Variants in KAT14 observed in about 807,000 individuals in gnomAD.
KAT14 encodes lysine acetyltransferase 14.
Under a neutral mutation model 78.4 loss-of-function variants are expected in KAT14, and 66 were observed. The observed-to-expected ratio is 0.84, with a 90% CI of 0.69 to 1.03. The LOEUF (loss-of-function observed/expected upper bound fraction) is 1.03, where lower values mean the gene tolerates loss of function less well. KAT14 is among the 50% of genes least tolerant of loss of function. The probability of loss-of-function intolerance (pLI) is 0.00; values close to 1 mark genes in which losing one functional copy is unlikely to be tolerated. For missense variants in KAT14, 870 were observed against 972.5 expected (o/e 0.89, Z 1.40); for synonymous variants, 344 against 359.4 (o/e 0.96, Z 0.48).
intron 1 of KAT14, among the ~76,000 whole-genome samples, chr20:18,139,281 T>TA (rs1203668890): frequency 6.6e-6 from 1 of 152,196 alleles, no homozygotes; most frequent in Non-Finnish European, 1.5e-5. Context: ...TTCCGCCTCT[T>TA]ACAAGGAAAA....
At chr20:18,182,213 C>G (rs1048168671) in intron 8 of KAT14, among the ~76,000 whole-genome samples, 1 of 151,920 alleles carries the variant, frequency 6.6e-6, no homozygotes, top group Admixed American at 6.6e-5. Context: ...CCTCTGCCTC[C>G]GGGGTTCAGG....
At chr20:18,155,864 A>G (rs1363134783) in intron 4 of KAT14, among the ~76,000 whole-genome samples, 1 of 152,168 alleles carries the variant, frequency 6.6e-6, no homozygotes, top group Non-Finnish European at 1.5e-5. Flanking sequence ...TAATGATCAT[A>G]TGATCTGGCA....
chr20:18,142,856 G>C lies in KAT14; in HGVS notation c.196G>C (p.Val66Leu), dbSNP rs200687917. ...GDSLNSDEGD[V>L]SWMEEQLSYF... is the part of the protein sequence containing the mutation. Reference sequence around the variant, plus strand: ...TTCCCTCAACAGTGATGAAGGAGACGTGTCTTGGATGGAGGAGCAGCTGTC... The same window carrying C: ...TTCCCTCAACAGTGATGAAGGAGACCTGTCTTGGATGGAGGAGCAGCTGTC... The change falls in exon 2 of 11, where the codon GTG (valine) becomes CTG (leucine). Residue 66 changes from valine (V) to leucine (L), a missense_variant. Val to Leu is a conservative substitution (Grantham distance 32). Coordinates refer to ENST00000688188, the MANE Select transcript of KAT14 (RefSeq NM_001392073.1). The C allele has an allele frequency of 1.2e-6, 2 of 1,614,144 alleles. No homozygotes were observed. The highest frequency in any genetic ancestry group is 4.5e-5 in the East Asian group (2 of 44,882).
At chr20:18,165,897 CT>C (rs1372636129) in intron 7 of KAT14, among the ~76,000 whole-genome samples, 1 of 152,028 alleles carries the variant, frequency 6.6e-6, no homozygotes, top group Non-Finnish European at 1.5e-5. Context: ...ATCAGCTGGT[CT>C]TTGGGGTGGG....
Position 18,181,715 on chromosome 20 carries a change from C to T in KAT14, c.1674C>T (p.Ser558=), listed in dbSNP as rs2146529218. Residue 558 remains serine (S), a synonymous_variant, in exon 8 of 11, where the codon TCC becomes TCT. Transcript: ENST00000688188. ...DFRILDRYQT[S]LPSRKGFRHQ... is the part of the protein sequence containing the mutation. ...CCAGTGTTTCTTTCTCATAGACTTCCTTGCCGTCCAGGAAGGGATTTCGAC... is the reference window on the plus strand; with the variant it reads ...CCAGTGTTTCTTTCTCATAGACTTCTTTGCCGTCCAGGAAGGGATTTCGAC... 1 of 1,614,094 alleles carries T rather than the reference C, an allele frequency of 6.2e-7. No homozygotes were observed. Among genetic ancestry groups the T allele is most frequent in the Non-Finnish European group, 8.5e-7 (1 of 1,179,996 alleles).
In KAT14 at chr20:18,155,579, A is replaced by G. The variant is rs139010046; in HGVS notation, c.501-3505A>G. ...AGCTCCCCTCATTGCAAAAATGGGT[A>G]AAGGCATTTAATAGACACTTCTTCA... On this transcript the variant is annotated intron_variant, in intron 4 of 10. Transcript: ENST00000688188. Among the ~76,000 whole-genome samples, 496 of 152,356 alleles carry G rather than the reference A, an allele frequency of 3.3e-3. 3 individuals are homozygous for G. The highest frequency in any genetic ancestry group is 0.014 in the Middle Eastern group (4 of 294).
intron 3 of KAT14, among the ~76,000 whole-genome samples, chr20:18,146,229 T>C (rs2037820405): frequency 6.6e-6 from 1 of 152,228 alleles, no homozygotes; most frequent in African/African-American, 2.4e-5. Context: ...GGCATCAGTG[T>C]ATACTTTTTA....
chr20:18,163,519 C>T (rs2038523311), intron 7 of KAT14, among the ~76,000 whole-genome samples: 2 of 152,224 alleles, frequency 1.3e-5, no homozygotes, highest in Admixed American at 6.5e-5. Context: ...TCTTTGCTAG[C>T]ACTTGACACT....
At chr20:18,165,047 T>C (rs1452564315) in intron 7 of KAT14, among the ~76,000 whole-genome samples, 1 of 152,180 alleles carries the variant, frequency 6.6e-6, no homozygotes, top group Non-Finnish European at 1.5e-5. Flanking sequence ...ATAATTTAGA[T>C]ATTAGTAAAA....
At position 18,184,106 on chromosome 20, in the gene KAT14, CA is replaced by C. The variant is rs1035207164; in HGVS notation, c.1982-495del. Among the ~76,000 whole-genome samples, 49 of 152,294 alleles carry C rather than the reference CA, an allele frequency of 3.2e-4. 1 individual carries two copies. The highest frequency in any genetic ancestry group is 1.1e-3 in the African/African-American group (47 of 41,546). ...TTAGGTGCCTTCCATACATTATGCACAGAAGCATATTTTACTTATTTATTGT... is the reference window on the plus strand; with the variant it reads ...TTAGGTGCCTTCCATACATTATGCACGAAGCATATTTTACTTATTTATTGT... On this transcript the variant is annotated intron_variant, in intron 9 of 10. Transcript: ENST00000688188.
intron 7 of KAT14, among the ~76,000 whole-genome samples, chr20:18,174,069 TATA>T (rs1310049656): frequency 6.6e-6 from 1 of 152,240 alleles, no homozygotes; most frequent in Non-Finnish European, 1.5e-5. Flanking sequence ...AATGGAGTCA[TATA>T]ATATGTGGCC....
chr20:18,181,939 G>A (rs1007132707), intron 8 of KAT14, 93 bp downstream of exon 8: 27 of 1,531,640 alleles, frequency 1.8e-5, no homozygotes, highest in Non-Finnish European at 2.2e-5. Flanking sequence ...AGAGAATAAA[G>A]ATCACAAACT....
At chr20:18,139,154 C>T (rs1308618972) in intron 1 of KAT14, among the ~76,000 whole-genome samples, 3 of 152,082 alleles carry the variant, frequency 2.0e-5, no homozygotes, top group Non-Finnish European at 4.4e-5. Flanking sequence ...TGTGATGGTA[C>T]AAGAATTTTG....
intron 7 of KAT14, among the ~76,000 whole-genome samples, chr20:18,166,678 C>T (rs994977033): frequency 1.3e-5 from 2 of 152,226 alleles, no homozygotes; most frequent in Non-Finnish European, 2.9e-5. Context: ...GGGATCTCCC[C>T]TCTCTGGAGA....
intron 7 of KAT14, among the ~76,000 whole-genome samples, chr20:18,166,212 TATTTA>T (rs1227434265): frequency 1.3e-5 from 2 of 152,162 alleles, no homozygotes; most frequent in African/African-American, 4.8e-5. Context: ...AAAGCAGACA[TATTTA>T]TCCCTTACGC....
chr20:18,166,199 G>T (rs1777056988), intron 7 of KAT14, among the ~76,000 whole-genome samples: 2 of 152,226 alleles, frequency 1.3e-5, no homozygotes, highest in Non-Finnish European at 2.9e-5. Context: ...CTTGAACACA[G>T]GAAAAGCAGA....
chr20:18,152,884 A>G (rs1363414759), intron 4 of KAT14, among the ~76,000 whole-genome samples: 2 of 152,142 alleles, frequency 1.3e-5, no homozygotes, highest in Non-Finnish European at 2.9e-5. Context: ...GCTTTGGTGC[A>G]TTAGACTCGG....
chr20:18,157,313 A>G (rs1439116446), intron 4 of KAT14, among the ~76,000 whole-genome samples: 2 of 152,132 alleles, frequency 1.3e-5, no homozygotes, highest in Non-Finnish European at 2.9e-5. Context: ...CCTCCCAGGC[A>G]CAAGTGATCC....
At chr20:18,168,276 C>T (rs1250392390) in intron 7 of KAT14, among the ~76,000 whole-genome samples, 7 of 152,128 alleles carry the variant, frequency 4.6e-5, no homozygotes, top group Non-Finnish European at 8.8e-5. Context: ...GCCTGTAATC[C>T]CAGCACTTTG....
Sources: gnomAD v4.1 joint callset for allele counts (sites outside exome capture counted in the v4.1 genomes callset) on GRCh38, gnomAD v4.1.1 for gene constraint, MANE v1.5 for transcripts, NCBI Gene and HGNC (gene_info 2026-07-23, HGNC 2026-07-21) for gene names.